The following DRD4 variants were observed in gnomAD, a reference collection of about 807,000 sequenced individuals.
DRD4 encodes dopamine receptor D4, also known as D(4) dopamine receptor.
DRD4 carries 26 observed loss-of-function variants against 22.1 expected under a neutral mutation model. The observed-to-expected ratio is 1.17, with a 90% CI of 0.86 to 1.63. The LOEUF is 1.63. DRD4 is among the 40% of genes most tolerant of loss of function. DRD4 has a pLI of 0.00. For synonymous variants in DRD4, 455 were observed against 306.7 expected (o/e 1.48, Z -5.05); for missense variants, 913 against 632.4 (o/e 1.44, Z -4.76).
rs1554931762 is a variant in DRD4 at position 639,373 on chromosome 11, GC to G, written c.286-59del. On this transcript the variant is annotated intron_variant, in intron 1 of 3. Transcript: ENST00000176183. ...CCTGGAACTACCCATAAGAGTGGGG[GC>G]GGGTCACAAGGGCCCGCGGTGGCTG... The G allele has an allele frequency of 3.8e-3, 2,967 of 778,462 alleles. 3 individuals carry two copies. The highest frequency in any genetic ancestry group is 5.6e-3 in the East Asian group (145 of 25,936). 48.2% of individuals were successfully genotyped at this position (778,462 alleles called of 1,614,324 possible). A position where few individuals can be genotyped will look rare whatever the true frequency, so the allele number is the denominator to read the frequency against.
chr11:639,228 C>G (rs1278811722), intron 1 of DRD4: 6 of 581,396 alleles, frequency 1.0e-5, no homozygotes, highest in African/African-American at 5.6e-5. Context: ...GCACTCCAGC[C>G]GCGGTGACAC....
Position 640,105 on chromosome 11 carries a change from C to T in DRD4, c.856C>T (p.Pro286Ser). The T allele has an allele frequency of 2.2e-6, 3 of 1,334,520 alleles. No homozygotes were observed. The highest frequency in any genetic ancestry group is 2.9e-6 in the Non-Finnish European group (3 of 1,036,958). 82.7% of individuals were successfully genotyped at this position (1,334,520 alleles called of 1,614,324 possible). The change falls in exon 3 of 4, where the codon CCC (proline) becomes TCC (serine). Residue 286 changes from proline (P) to serine (S), a missense_variant. Pro to Ser is a moderately conservative substitution (Grantham distance 74, BLOSUM62 -1). Transcript: ENST00000176183. ...PDCAPAAPSL[P>S]QDPCGPDCAP... is the part of the protein sequence containing the mutation. The stretch of plus-strand genomic sequence containing the variant: ...CTGTGCGCCCGCCGCGCCCAGCCTC[C>T]CCCAGGACCCCTGCGGCCCCGACTG...
Position 640,652 on chromosome 11 carries a change from C to G in DRD4, c.*49C>G. The G allele has an allele frequency of 1.3e-6, 2 of 1,590,952 alleles. No individual in the cohort carries two copies. The highest frequency in any genetic ancestry group is 1.7e-4 in the Middle Eastern group (1 of 6,032). On this transcript the variant is annotated 3_prime_UTR_variant, in exon 4 of 4. Coordinates refer to ENST00000176183, the MANE Select transcript of DRD4 (RefSeq NM_000797.4). ...CGGCCTGATGGCCAGGCCTCAGGGA[C>G]CAAGGAGATGGGGAGGGCGCTTTTG...
At chr11:637,735 C>A (rs919858786) in intron 1 of DRD4, 146 bp downstream of exon 1, 1 of 1,407,424 alleles carries the variant, frequency 7.1e-7, no homozygotes, top group Non-Finnish European at 9.6e-7. Context: ...CCTTGTCCCT[C>A]GGCGATACAC....
At chr11:639,368 T>G (rs1361165600) in intron 1 of DRD4, 65 bp from the exon 2 acceptor site, 168 of 1,376,406 alleles carry the variant, frequency 1.2e-4, no homozygotes, top group East Asian at 8.8e-4. Context: ...CCCATAAGAG[T>G]GGGGGCGGGT....
At chr11:637,707 G>A in intron 1 of DRD4, 118 bp downstream of exon 1, 3 of 1,503,724 alleles carry the variant, frequency 2.0e-6, no homozygotes, top group Middle Eastern at 2.3e-4. Context: ...CAGCTGGGGC[G>A]GCGGCAGGGG....
Position 639,529 on chromosome 11 carries a change from G to A in DRD4, c.382G>A (p.Ala128Thr), listed in dbSNP as rs762397930. Residue 128 changes from alanine to threonine, a missense_variant, in exon 2 of 4, where the codon GCC becomes ACC. Transcript: ENST00000176183. Reference protein sequence around the residue: ...LCTASIFNLCAISVDRFVAVA... With the variant: ...LCTASIFNLCTISVDRFVAVA... ...CACCGCCTCCATCTTCAACCTGTGCGCCATCAGCGTGGACAGGTGCGCCGC... is the reference window on the plus strand; with the variant it reads ...CACCGCCTCCATCTTCAACCTGTGCACCATCAGCGTGGACAGGTGCGCCGC... The A allele has an allele frequency of 1.3e-5, 20 of 1,597,628 alleles. No homozygotes were observed. Among genetic ancestry groups the A allele is most frequent in the East Asian group, 2.3e-5 (1 of 44,300 alleles).
intron 1 of DRD4, chr11:639,225 A>G: frequency 1.7e-6 from 1 of 578,344 alleles, no homozygotes; most frequent in Non-Finnish European, 3.1e-6. Context: ...ACAGCACTCC[A>G]GCCGCGGTGA....
intron 1 of DRD4, among the ~76,000 whole-genome samples, chr11:638,825 G>A (rs149600697): frequency 1.5e-3 from 235 of 152,314 alleles, no homozygotes; most frequent in African/African-American, 5.5e-3. Flanking sequence ...GCCAGAAGCC[G>A]TGATTCACGC....
At position 637,536 on chromosome 11, in the gene DRD4, GCCGCCGACCTCCT is replaced by G. The variant is rs587776842; in HGVS notation, c.235_247del (p.Ala79SerfsTer21). Reference sequence around the variant, plus strand: ...CAACTCCTTCATCGTGAGCCTGGCGGCCGCCGACCTCCTCCTCGCTCTCCTGGTGCTGCCGCTC... The same window carrying G: ...CAACTCCTTCATCGTGAGCCTGGCGGCCTCGCTCTCCTGGTGCTGCCGCTC... On this transcript the variant is annotated frameshift_variant, in exon 1 of 4. Transcript: ENST00000176183. LOFTEE classifies it high-confidence loss of function. 19,373 of 1,564,018 alleles carry G rather than the reference GCCGCCGACCTCCT, an allele frequency of 0.012. 170 individuals carry two copies. Among genetic ancestry groups the G allele is most frequent in the Non-Finnish European group, 0.014 (16,410 of 1,159,682 alleles).
Position 639,901 on chromosome 11 carries a change from G to A in DRD4, c.652G>A (p.Gly218Ser), listed in dbSNP as rs756800106. ...GCTGCTCTACTGGGCCACGTTCCGC[G>A]GCCTGCAGCGCTGGGAGGTGGCACG... ...MLLLYWATFR[G>S]LQRWEVARRA... Residue 218 changes from glycine (G) to serine (S), a missense_variant, in exon 3 of 4, where the codon GGC becomes AGC. Gly to Ser is a moderately conservative substitution (Grantham distance 56). Transcript: ENST00000176183. 4.4e-6 allele frequency: 7 copies of A among 1,574,614 alleles called. No homozygotes were observed. The highest frequency in any genetic ancestry group is 1.4e-5 in the African/African-American group (1 of 72,334).
rs1443346008 is a variant in DRD4 at position 637,477 on chromosome 11, G to A, written c.173G>A (p.Ser58Asn). Residue 58 changes from serine (S) to asparagine (N), a missense_variant, in exon 1 of 4, where the codon AGC becomes AAC. Ser to Asn is a conservative substitution (Grantham distance 46). Coordinates refer to ENST00000176183, the MANE Select transcript of DRD4 (RefSeq NM_000797.4). ...GCGGGGAACTCGCTCGTGTGCGTGA[G>A]CGTGGCCACCGAGCGCGCCCTGCAG... is the stretch of plus-strand genomic sequence containing the variant. The part of the protein sequence containing the change: ...VLAGNSLVCV[S>N]VATERALQTP... 6.5e-7 allele frequency: 1 copy of A among 1,540,718 alleles called. No individual in the cohort carries two copies. The highest frequency in any genetic ancestry group is 1.2e-5 in the South Asian group (1 of 84,214).
rs908434388 is a variant in DRD4, at chr11:640,492, C to T, written c.1149C>T (p.Ser383=). The change falls in exon 4 of 4, where the codon AGC becomes AGT. Residue 383 remains serine, a synonymous_variant. Transcript: ENST00000176183. ...GCTCCGTGCCCCCGCGGCTGGTCAG[C>T]GCCGTCACCTGGCTGGGCTACGTCA... ...PACSVPPRLV[S]AVTWLGYVNS... 2.5e-6 allele frequency: 4 copies of T among 1,602,188 alleles called. No individual in the cohort carries two copies. Among genetic ancestry groups the T allele is most frequent in the South Asian group, 1.1e-5 (1 of 91,090 alleles).
chr11:639,408 CAG>C, intron 1 of DRD4, 23 bp from the exon 2 acceptor site: 2 of 1,569,182 alleles, frequency 1.3e-6, no homozygotes, highest in Non-Finnish European at 1.7e-6. Flanking sequence ...TGGGAAACCT[CAG>C]GGCCTGTGGT....
intron 1 of DRD4, among the ~76,000 whole-genome samples, chr11:638,543 A>G (rs1858121134): frequency 6.6e-6 from 1 of 152,204 alleles, no homozygotes; most frequent in African/African-American, 2.4e-5. Context: ...CACGGTCTTC[A>G]TATTTTTAAT....
Position 640,062 on chromosome 11 carries a change from G to A in DRD4, c.813G>A (p.Arg271=). The change falls in exon 3 of 4, where the codon CGG becomes CGA. Residue 271 remains arginine, a synonymous_variant. Transcript: ENST00000176183. ...DCAPPAPGLP[R]GPCGPDCAPA... ...CGCCCCCCGCGCCCGGCCTTCCCCG[G>A]GGTCCCTGCGGCCCCGACTGTGCGC... 9.0e-7 allele frequency: 1 copy of A among 1,105,012 alleles called. No homozygotes were observed. The highest frequency in any genetic ancestry group is 1.1e-6 in the Non-Finnish European group (1 of 883,080). The allele number at this position is 1,105,012 out of a possible 1,614,324, so 68.5% of individuals were successfully genotyped here. A position where few individuals can be genotyped will look rare whatever the true frequency, so the allele number is the denominator to read the frequency against.
chr11:637,375 C>T lies in DRD4; in HGVS notation c.71C>T (p.Ala24Val), dbSNP rs1203166260. The T allele has an allele frequency of 3.7e-6, 5 of 1,362,066 alleles. No individual in the cohort carries two copies. Among genetic ancestry groups the T allele is most frequent in the African/African-American group, 1.5e-5 (1 of 65,622 alleles). The allele number at this position is 1,362,066 out of a possible 1,614,324, so 84.4% of individuals were successfully genotyped here. ...CGCGGGCCGGCCGCGGGGGCATCTG[C>T]GGGGGCATCTGCGGGGCTGGCTGGG... ...AGRGPAAGAS[A>V]GASAGLAGQG... The change falls in exon 1 of 4, where the codon GCG becomes GTG. Residue 24 changes from alanine (A) to valine (V), a missense_variant. By Grantham distance (64) the Ala-to-Val change is moderately conservative. Coordinates refer to ENST00000176183, the MANE Select transcript of DRD4 (RefSeq NM_000797.4).
In DRD4 at chr11:637,350, C is replaced by T. The variant is rs1589956563; in HGVS notation, c.46C>T (p.Arg16Cys). 2.3e-6 allele frequency: 3 copies of T among 1,291,674 alleles called. No homozygotes were observed. Among genetic ancestry groups the T allele is most frequent in the Middle Eastern group, 2.9e-4 (1 of 3,424 alleles). The allele number at this position is 1,291,674 out of a possible 1,614,324, so 80.0% of individuals were successfully genotyped here. The change falls in exon 1 of 4, where the codon CGC becomes TGC. Residue 16 changes from arginine (R) to cysteine (C), a missense_variant. Physicochemically the swap from Arg to Cys is radical, Grantham distance 180. Coordinates refer to ENST00000176183, the MANE Select transcript of DRD4 (RefSeq NM_000797.4). Reference protein sequence around the residue: ...TADADGLLAGRGPAAGASAGA... With the variant: ...TADADGLLAGCGPAAGASAGA... The stretch of plus-strand genomic sequence containing the variant: ...GGACGCGGACGGGCTGCTGGCTGGG[C>T]GCGGGCCGGCCGCGGGGGCATCTGC...
chr11:640,201 G>C lies in DRD4; in HGVS notation c.952G>C (p.Ala318Pro). The C allele has an allele frequency of 6.5e-7, 1 of 1,527,382 alleles. No homozygotes were observed. The highest frequency in any genetic ancestry group is 1.2e-5 in the South Asian group (1 of 83,796). The allele number at this position is 1,527,382 out of a possible 1,614,324, so 94.6% of individuals were successfully genotyped here. A position where few individuals can be genotyped will look rare whatever the true frequency, so the allele number is the denominator to read the frequency against. The change falls in exon 3 of 4, where the codon GCC (alanine) becomes CCC (proline). Residue 318 changes from alanine (A) to proline (P), a missense_variant. Ala to Pro is a conservative substitution (Grantham distance 27, BLOSUM62 -1). Coordinates refer to ENST00000176183, the MANE Select transcript of DRD4 (RefSeq NM_000797.4). ...CTGTGCTCCCCCCGACGCCGTCAGAGCCGCCGCGCTCCCACCCCAGACTCC... is the reference window on the plus strand; with the variant it reads ...CTGTGCTCCCCCCGACGCCGTCAGACCCGCCGCGCTCCCACCCCAGACTCC... ...SNCAPPDAVR[A>P]AALPPQTPPQ...
Sources: allele counts gnomAD v4.1 joint callset (sites outside exome capture counted in the v4.1 genomes callset), GRCh38; gene constraint gnomAD v4.1.1; transcripts MANE v1.5; gene names NCBI Gene and HGNC (gene_info 2026-07-23, HGNC 2026-07-21).